Variants in PXDNL observed in about 807,000 individuals in gnomAD.
The protein encoded by PXDNL is probable oxidoreductase PXDNL.
A neutral mutation model predicts 150.8 loss-of-function variants in PXDNL; 145 were observed. That is an observed-to-expected ratio of 0.96 (90% CI 0.84 to 1.10). The LOEUF (loss-of-function observed/expected upper bound fraction) is 1.10, where lower values mean the gene tolerates loss of function less well. Among genes scored for constraint, PXDNL ranks in the 50% least tolerant of loss-of-function variants. The probability of loss-of-function intolerance (pLI) is 0.00; values close to 1 mark genes in which losing one functional copy is unlikely to be tolerated. For synonymous variants in PXDNL, 757 were observed against 725.7 expected, an observed-to-expected ratio of 1.04 and a Z score of -0.69; for missense variants, 2,087 against 1,873.9, an observed-to-expected ratio of 1.11 and a Z score of -2.10.
intron 1 of PXDNL, among the ~76,000 whole-genome samples, chr8:51,696,514 C>T (rs1279349821): frequency 6.6e-6 from 1 of 152,196 alleles, no homozygotes; most frequent in Non-Finnish European, 1.5e-5. Flanking sequence ...GACTAAAACA[C>T]TGATTCAACT....
intron 4 of PXDNL, among the ~76,000 whole-genome samples, chr8:51,523,941 G>A (rs1323486109): frequency 6.6e-6 from 1 of 152,202 alleles, no homozygotes; most frequent in African/African-American, 2.4e-5. Flanking sequence ...TGTTTAAAGA[G>A]ACCGATGGGG....
At chr8:51,590,240 G>A (rs1468441758) in intron 3 of PXDNL, among the ~76,000 whole-genome samples, 3 of 152,008 alleles carry the variant, frequency 2.0e-5, no homozygotes. Flanking sequence ...TGTGGGAGTA[G>A]GGCTCCCTTC....
At chr8:51,496,216 G>T (rs1440697198) in intron 5 of PXDNL, among the ~76,000 whole-genome samples, 1 of 152,178 alleles carries the variant, frequency 6.6e-6, no homozygotes, top group African/African-American at 2.4e-5. Context: ...AAAGGCCTTT[G>T]ACAAAATTCA....
intron 19 of PXDNL, among the ~76,000 whole-genome samples, chr8:51,349,683 G>C (rs1055906787): frequency 2.6e-5 from 4 of 152,178 alleles, no homozygotes; most frequent in African/African-American, 9.7e-5. Context: ...CAGTTCATTG[G>C]AGTGGATTGA....
At chr8:51,349,029 GA>G (rs1806253138) in intron 19 of PXDNL, among the ~76,000 whole-genome samples, 1 of 152,188 alleles carries the variant, frequency 6.6e-6, no homozygotes. Flanking sequence ...CTTAAATTTA[GA>G]TCAGCTTAAA....
intron 3 of PXDNL, among the ~76,000 whole-genome samples, chr8:51,558,344 G>A (rs1447415361): frequency 6.6e-6 from 1 of 152,028 alleles, no homozygotes; most frequent in Non-Finnish European, 1.5e-5. Context: ...GAAAGCTACT[G>A]TTACTAGGTA....
At chr8:51,702,386 A>G (rs749898795) in intron 1 of PXDNL, among the ~76,000 whole-genome samples, 10 of 152,206 alleles carry the variant, frequency 6.6e-5, no homozygotes, top group Non-Finnish European at 1.5e-4. Flanking sequence ...GAATGAGAAT[A>G]GAGGTAAAGG....
At chr8:51,620,306 C>T (rs981434507) in intron 2 of PXDNL, among the ~76,000 whole-genome samples, 2 of 152,024 alleles carry the variant, frequency 1.3e-5, no homozygotes, top group South Asian at 2.1e-4. Context: ...TGCCTCTAAT[C>T]CTGAAGAGGT....
At position 51,453,760 on chromosome 8, in the gene PXDNL, A is replaced by C. The variant is rs1018009329; in HGVS notation, c.1008T>G (p.Pro336=). 6.2e-7 allele frequency: 1 copy of C among 1,613,984 alleles called. No individual in the cohort carries two copies. Among genetic ancestry groups the C allele is most frequent in the Non-Finnish European group, 8.5e-7 (1 of 1,179,868 alleles). ...LPAKPSFVIQ[P]QDTEVLIGTS... ...TGCCAATTAAAACCTCTGTGTCCTG[A>C]GGCTGGATTACAAAGCTTGGTTTGG... Residue 336 remains proline, a synonymous_variant, in exon 10 of 23, where the codon CCT becomes CCG. Coordinates refer to ENST00000356297, the MANE Select transcript of PXDNL (RefSeq NM_144651.5).
chr8:51,428,971 A>AAATTCAACAGTATATATTTCAATTATAT (rs61524441), intron 12 of PXDNL, among the ~76,000 whole-genome samples: 1 of 150,942 alleles, frequency 6.6e-6, no homozygotes, highest in Admixed American at 6.6e-5. Context: ...AAAATATATA[A>AAATTCAACAGTATATATTTCAATTATAT]AGAACCCAAA....
intron 1 of PXDNL, among the ~76,000 whole-genome samples, chr8:51,806,616 A>G (rs2037678656): frequency 6.6e-6 from 1 of 152,194 alleles, no homozygotes; most frequent in Non-Finnish European, 1.5e-5. Context: ...GAAGTCACAA[A>G]CTGAAGGTCC....
intron 21 of PXDNL, among the ~76,000 whole-genome samples, chr8:51,327,321 C>T (rs1251001628): frequency 6.6e-6 from 1 of 152,214 alleles, no homozygotes; most frequent in Non-Finnish European, 1.5e-5. Flanking sequence ...AAAAAACTCT[C>T]ATCACAACAA....
intron 14 of PXDNL, among the ~76,000 whole-genome samples, chr8:51,420,018 T>C (rs1808906158): frequency 6.6e-6 from 1 of 152,228 alleles, no homozygotes; most frequent in Non-Finnish European, 1.5e-5. Context: ...GTTCTTTTGC[T>C]ATCATAGATG....
At chr8:51,413,778 CAAAG>C (rs1247010381) in intron 14 of PXDNL, among the ~76,000 whole-genome samples, 1 of 152,094 alleles carries the variant, frequency 6.6e-6, no homozygotes, top group Non-Finnish European at 1.5e-5. Flanking sequence ...ATCCTGTAGA[CAAAG>C]GAAGCTATTT....
At chr8:51,361,233 T>C (rs931154914) in intron 19 of PXDNL, among the ~76,000 whole-genome samples, 1 of 152,214 alleles carries the variant, frequency 6.6e-6, no homozygotes, top group Non-Finnish European at 1.5e-5. Context: ...AGAATCACGT[T>C]GGATCTGATA....
chr8:51,320,681 G>T, intron 22 of PXDNL, 103 bp downstream of exon 22: 1 of 818,218 alleles, frequency 1.2e-6, no homozygotes, highest in Non-Finnish European at 2.0e-6. Flanking sequence ...AGAATCTATT[G>T]ACATAAAATA....
At chr8:51,610,840 T>C (rs1585619818) in intron 2 of PXDNL, among the ~76,000 whole-genome samples, 1 of 152,204 alleles carries the variant, frequency 6.6e-6, no homozygotes, top group Non-Finnish European at 1.5e-5. Flanking sequence ...TGTTTCTTCT[T>C]CCAGCCTCTT....
chr8:51,323,090 C>T (rs1805377463), intron 21 of PXDNL, among the ~76,000 whole-genome samples: 1 of 151,792 alleles, frequency 6.6e-6, no homozygotes, highest in South Asian at 2.1e-4. Flanking sequence ...ATGAAAATCA[C>T]AAAAAAATCT....
chr8:51,434,371 T>C (rs1469495576), intron 12 of PXDNL, among the ~76,000 whole-genome samples: 1 of 152,234 alleles, frequency 6.6e-6, no homozygotes, highest in African/African-American at 2.4e-5. Context: ...TTAAATGACA[T>C]GTCCTGGTAC....
Sources: gnomAD v4.1 joint callset for allele counts (sites outside exome capture counted in the v4.1 genomes callset) on GRCh38, gnomAD v4.1.1 for gene constraint, MANE v1.5 for transcripts, NCBI Gene and HGNC (gene_info 2026-07-23, HGNC 2026-07-21) for gene names.